E2F7: variants seen among roughly 807,000 people sequenced by gnomAD.
The protein encoded by E2F7 is E2F transcription factor 7.
A neutral mutation model predicts 81.1 loss-of-function variants in E2F7; 35 were observed. The ratio of observed to expected loss-of-function variants is 0.43; its 90% CI spans 0.33 to 0.57. The LOEUF (loss-of-function observed/expected upper bound fraction) is 0.57. Ranked by LOEUF, E2F7 falls within the 20% of genes least tolerant of loss-of-function variation. The pLI, the probability that E2F7 is intolerant of heterozygous loss-of-function variation, is 0.04. For synonymous variants in E2F7, 416 were observed against 416.2 expected, an observed-to-expected ratio of 1.00 and a Z score of 0.01; for missense variants, 961 against 1,093.7, an observed-to-expected ratio of 0.88 and a Z score of 1.71.
chr12:77,061,192 T>A (rs769265634), intron 2 of E2F7, among the ~76,000 whole-genome samples: 1 of 152,222 alleles, frequency 6.6e-6, no homozygotes, highest in Non-Finnish European at 1.5e-5. Flanking sequence ...ACAATTCCTG[T>A]TCGGACCTGA....
chr12:77,065,103 T>A (rs1414377026), intron 1 of E2F7, among the ~76,000 whole-genome samples: 2 of 152,026 alleles, frequency 1.3e-5, no homozygotes, highest in African/African-American at 4.8e-5. Flanking sequence ...TCCAAGCAGA[T>A]CCCCCAAATA....
At chr12:77,036,524 C>T (rs1298376220) in intron 7 of E2F7, among the ~76,000 whole-genome samples, 1 of 134,544 alleles carries the variant, frequency 7.4e-6, no homozygotes, top group Non-Finnish European at 1.6e-5. Context: ...CAGAGTAAGA[C>T]CTTTGTCTCC....
Position 77,033,960 on chromosome 12 carries a change from T to C in E2F7, c.1206A>G (p.Lys402=). Residue 402 remains lysine (K), a synonymous_variant, in exon 8 of 13, where the codon AAA becomes AAG. Coordinates refer to ENST00000322886, the MANE Select transcript of E2F7 (RefSeq NM_203394.3). ...ETYGQIQVCA[K]QKLARHGSFN... ...AAGAACCATGGCGAGCCAGCTTCTGTTTTGCACAGACTTGAATCTGGCCAT... is the reference window on the plus strand; with the variant it reads ...AAGAACCATGGCGAGCCAGCTTCTGCTTTGCACAGACTTGAATCTGGCCAT... 6.2e-7 allele frequency: 1 copy of C among 1,614,212 alleles called. No individual in the cohort carries two copies. Among genetic ancestry groups the C allele is most frequent in the African/African-American group, 1.3e-5 (1 of 75,050 alleles).
chr12:77,043,085 G>T lies in E2F7; in HGVS notation c.1103C>A (p.Pro368His). The change falls in exon 7 of 13, where the codon CCT becomes CAT. Residue 368 changes from proline to histidine, a missense_variant. Pro to His is a moderately conservative substitution (Grantham distance 77). Transcript: ENST00000322886. ...GRKPAFKWIGPVDFSSSDEEL... is the reference protein window; with the variant it reads ...GRKPAFKWIGHVDFSSSDEEL... Reference sequence around the variant, plus strand: ...CTTACCACTTGAGCTGAAGTCCACAGGCCCGATCCACTTGAAGGCTGGTTT... The same window carrying T: ...CTTACCACTTGAGCTGAAGTCCACATGCCCGATCCACTTGAAGGCTGGTTT... 6.2e-7 allele frequency: 1 copy of T among 1,614,120 alleles called. No individual in the cohort carries two copies. The highest frequency in any genetic ancestry group is 8.5e-7 in the Non-Finnish European group (1 of 1,179,992).
intron 3 of E2F7, among the ~76,000 whole-genome samples, chr12:77,052,685 T>C (rs1393657213): frequency 1.4e-4 from 21 of 152,088 alleles, no homozygotes; most frequent in Admixed American, 1.3e-3. Context: ...AAATGAACTA[T>C]ATTAAACTTA....
chr12:77,062,857 G>C (rs1487738232), intron 2 of E2F7, among the ~76,000 whole-genome samples: 1 of 150,064 alleles, frequency 6.7e-6, no homozygotes, highest in Non-Finnish European at 1.5e-5. Flanking sequence ...CTTTAAGTCT[G>C]GGCATTTCCA....
intron 6 of E2F7, 34 bp from the exon 7 acceptor site, chr12:77,043,233 G>A: frequency 1.2e-6 from 2 of 1,613,208 alleles, no homozygotes; most frequent in Non-Finnish European, 1.7e-6. Context: ...CGGTCATGCT[G>A]CCTGTGACAC....
intron 7 of E2F7, among the ~76,000 whole-genome samples, chr12:77,041,892 A>C (rs1954897495): frequency 6.6e-6 from 1 of 152,216 alleles, no homozygotes; most frequent in African/African-American, 2.4e-5. Context: ...GGATAAATAA[A>C]GATAATGTCT....
chr12:77,064,701 T>C, intron 1 of E2F7, 66 bp from the exon 2 acceptor site: 3 of 1,290,950 alleles, frequency 2.3e-6, no homozygotes, highest in Non-Finnish European at 3.4e-6. Flanking sequence ...AACAAAAATA[T>C]CTACATATGT....
In E2F7 at chr12:77,043,133, T is replaced by C. The variant is rs1286594308; in HGVS notation, c.1055A>G (p.His352Arg). 2 of 1,614,232 alleles carry C rather than the reference T, an allele frequency of 1.2e-6. No individual in the cohort carries two copies. The highest frequency in any genetic ancestry group is 1.7e-6 in the Non-Finnish European group (2 of 1,180,036). ...LTSLALIKKV[H>R]VTEERGRKPA... ...TTTACGACCTCGCTCTTCTGTTACATGCACTTTCTTTATCAGAGCCAAGCT... is the reference window on the plus strand; with the variant it reads ...TTTACGACCTCGCTCTTCTGTTACACGCACTTTCTTTATCAGAGCCAAGCT... Residue 352 changes from histidine to arginine, a missense_variant, in exon 7 of 13, where the codon CAT becomes CGT. By Grantham distance (29) the His-to-Arg change is conservative (BLOSUM62 0). Coordinates refer to ENST00000322886, the MANE Select transcript of E2F7 (RefSeq NM_203394.3).
chr12:77,043,020 G>T, intron 7 of E2F7, 45 bp downstream of exon 7: 1 of 1,613,148 alleles, frequency 6.2e-7, no homozygotes, highest in Non-Finnish European at 8.5e-7. Flanking sequence ...AAGGAACTGA[G>T]AATTCTAAAT....
In E2F7 at chr12:77,023,736, C is replaced by A; in HGVS notation, c.*279G>T. 1 of 233,454 alleles carries A rather than the reference C, an allele frequency of 4.3e-6. No individual in the cohort carries two copies. The highest frequency in any genetic ancestry group is 7.1e-6 in the Non-Finnish European group (1 of 140,586). 14.5% of individuals were successfully genotyped at this position (233,454 alleles called of 1,614,324 possible). ...AAAAACAAGGCTCCGGTAGCCTATT[C>A]AGATCTACTTCCAGAATAAGACGAT... On this transcript the variant is annotated 3_prime_UTR_variant, in exon 13 of 13. Coordinates refer to ENST00000322886, the MANE Select transcript of E2F7 (RefSeq NM_203394.3).
At chr12:77,036,995 C>T (rs185414796) in intron 7 of E2F7, among the ~76,000 whole-genome samples, 3,211 of 152,168 alleles carry the variant, frequency 0.021, 100 homozygotes, top group African/African-American at 0.067. Flanking sequence ...GTGATCCACC[C>T]GCCTCGGCCT....
intron 7 of E2F7, among the ~76,000 whole-genome samples, chr12:77,040,027 A>G (rs1051707441): frequency 3.9e-5 from 6 of 152,230 alleles, no homozygotes; most frequent in Admixed American, 3.9e-4. Flanking sequence ...GTTATGTTCT[A>G]TAAAGTCACT....
intron 7 of E2F7, among the ~76,000 whole-genome samples, chr12:77,035,476 C>G (rs1318965200): frequency 6.6e-6 from 1 of 152,170 alleles, no homozygotes; most frequent in Non-Finnish European, 1.5e-5. Context: ...ATTCAGGAGG[C>G]ATTTGTTAGT....
At chr12:77,051,598 G>C (rs909740876) in intron 3 of E2F7, among the ~76,000 whole-genome samples, 1 of 151,924 alleles carries the variant, frequency 6.6e-6, no homozygotes, top group Non-Finnish European at 1.5e-5. Context: ...TAACAAACCT[G>C]CACACTGTGC....
At chr12:77,057,706 T>A (rs1017338548) in intron 2 of E2F7, among the ~76,000 whole-genome samples, 1 of 152,180 alleles carries the variant, frequency 6.6e-6, no homozygotes, top group Admixed American at 6.5e-5. Context: ...AACTAACAAG[T>A]AATTAAAACG....
intron 9 of E2F7, among the ~76,000 whole-genome samples, chr12:77,031,818 G>C (rs1010969151): frequency 5.9e-5 from 9 of 152,138 alleles, no homozygotes; most frequent in African/African-American, 2.2e-4. Flanking sequence ...GCAGTACCCT[G>C]GGCCGCAGAG....
chr12:77,027,411 T>C (rs955196024), intron 11 of E2F7, among the ~76,000 whole-genome samples: 1 of 152,222 alleles, frequency 6.6e-6, no homozygotes, highest in African/African-American at 2.4e-5. Flanking sequence ...TTATTACTGC[T>C]GTTTAACCAA....
Sources: gnomAD v4.1 joint callset for allele counts (sites outside exome capture counted in the v4.1 genomes callset) on GRCh38, gnomAD v4.1.1 for gene constraint, MANE v1.5 for transcripts, NCBI Gene and HGNC (gene_info 2026-07-23, HGNC 2026-07-21) for gene names.